LOC122539214: variants seen among roughly 807,000 people sequenced by gnomAD.
the LOC122539214 span, among the ~76,000 whole-genome samples, chr19:52,666,161 C>T: frequency 1.0e-3 from 67 of 67,300 alleles, 1 homozygote; most frequent in East Asian, 0.017. Context: ...AAGACTCCAT[C>T]TCAAAAAAAA....
At chr19:52,676,528 G>A in the LOC122539214 span, among the ~76,000 whole-genome samples, 6 of 151,152 alleles carry the variant, frequency 4.0e-5, no homozygotes, top group African/African-American at 7.3e-5. Context: ...CCGGCCAGCC[G>A]CCCCGTCTGG....
the LOC122539214 span, among the ~76,000 whole-genome samples, chr19:52,667,826 A>G: frequency 2.6e-3 from 396 of 152,364 alleles, 3 homozygotes; most frequent in Non-Finnish European, 4.0e-3. Flanking sequence ...AAATATGTCT[A>G]CAAGGTTTTA....
chr19:52,686,824 C>A, the LOC122539214 span, among the ~76,000 whole-genome samples: 1 of 152,074 alleles, frequency 6.6e-6, no homozygotes, highest in Non-Finnish European at 1.5e-5. Flanking sequence ...TCTCTCACCT[C>A]GGTCTCCCAA....
chr19:52,662,632 T>A, the LOC122539214 span, among the ~76,000 whole-genome samples: 258 of 152,306 alleles, frequency 1.7e-3, 1 homozygote, highest in African/African-American at 5.8e-3. Flanking sequence ...CCATCTCGTA[T>A]AGAAAAAGCC....
chr19:52,683,228 CTGTGTGTGTGTGTGTGTGT>C, the LOC122539214 span, among the ~76,000 whole-genome samples: 1 of 127,970 alleles, frequency 7.8e-6, no homozygotes, highest in Non-Finnish European at 1.7e-5. Flanking sequence ...CCCTGTGACT[CTGTGTGTGTGTGTGTGTGT>C]GTGTGTGTGT....
chr19:52,667,100 G>T, the LOC122539214 span, among the ~76,000 whole-genome samples: 1 of 152,010 alleles, frequency 6.6e-6, no homozygotes, highest in Non-Finnish European at 1.5e-5. Flanking sequence ...TTCAACGAAA[G>T]TCAAGTTTGC....
At chr19:52,675,974 G>A in the LOC122539214 span, among the ~76,000 whole-genome samples, 1 of 152,102 alleles carries the variant, frequency 6.6e-6, no homozygotes, top group Non-Finnish European at 1.5e-5. Flanking sequence ...GGCAGATCAT[G>A]AGGTCAGGAG....
the LOC122539214 span, among the ~76,000 whole-genome samples, chr19:52,684,743 T>C: frequency 6.6e-6 from 1 of 151,650 alleles, no homozygotes. Context: ...TTTAGGGACA[T>C]AGGGTAAGAG....
At chr19:52,681,303 C>CAAAAAAAAAAAAAAAA in the LOC122539214 span, among the ~76,000 whole-genome samples, 38 of 78,260 alleles carry the variant, frequency 4.9e-4, no homozygotes, top group Middle Eastern at 7.8e-3. Flanking sequence ...AAAAAAAAAG[C>CAAAAAAAAAAAAAAAA]AAACGAACAT....
At chr19:52,683,494 T>C in the LOC122539214 span, among the ~76,000 whole-genome samples, 1 of 53,206 alleles carries the variant, frequency 1.9e-5, no homozygotes, top group Non-Finnish European at 3.7e-5. Context: ...GTCCCTGACC[T>C]TCTCCCCACC....
At chr19:52,654,890 A>G in the LOC122539214 span, 1 of 153,006 alleles carries the variant, frequency 6.5e-6, no homozygotes, top group Non-Finnish European at 1.5e-5. Context: ...CTCCTTAAAA[A>G]CCAGAACAAA....
At chr19:52,681,924 T>C in the LOC122539214 span, among the ~76,000 whole-genome samples, 1 of 152,198 alleles carries the variant, frequency 6.6e-6, no homozygotes, top group Non-Finnish European at 1.5e-5. Context: ...CTCAGCTCAC[T>C]GCAACCTCGT....
At chr19:52,656,062 C>T in the LOC122539214 span, among the ~76,000 whole-genome samples, 1 of 151,974 alleles carries the variant, frequency 6.6e-6, no homozygotes, top group South Asian at 2.1e-4. Context: ...AACACAAAAA[C>T]ATTAACTGGG....
At chr19:52,687,633 G>GTGTATATATATA in the LOC122539214 span, among the ~76,000 whole-genome samples, 3 of 27,840 alleles carry the variant, frequency 1.1e-4, no homozygotes, top group African/African-American at 9.2e-4. Flanking sequence ...TATATATAAT[G>GTGTATATATATA]TATATATATA....
At chr19:52,656,615 C>G in the LOC122539214 span, among the ~76,000 whole-genome samples, 1 of 152,080 alleles carries the variant, frequency 6.6e-6, no homozygotes, top group Non-Finnish European at 1.5e-5. Flanking sequence ...CACCTATAAT[C>G]CGAACACTTA....
chr19:52,656,654 TCAAGAGATTAAGA>T, the LOC122539214 span, among the ~76,000 whole-genome samples: 1 of 151,910 alleles, frequency 6.6e-6, no homozygotes, highest in South Asian at 2.1e-4. Context: ...GATCACAAAG[TCAAGAGATTAAGA>T]CAAGCTGGGC....
At chr19:52,675,165 A>G in the LOC122539214 span, among the ~76,000 whole-genome samples, 4 of 152,228 alleles carry the variant, frequency 2.6e-5, no homozygotes, top group African/African-American at 9.6e-5. Context: ...ACTTGAAGCC[A>G]TCTAATAGCA....
At chr19:52,655,165 C>A in the LOC122539214 span, 1 of 188,508 alleles carries the variant, frequency 5.3e-6, no homozygotes, top group Non-Finnish European at 1.1e-5. Context: ...CCAGCCTGAG[C>A]AAGAGAGGGA....
chr19:52,657,050 A>G, the LOC122539214 span, among the ~76,000 whole-genome samples: 1 of 151,946 alleles, frequency 6.6e-6, no homozygotes, highest in Non-Finnish European at 1.5e-5. Flanking sequence ...TGGAGAGCAG[A>G]GTTTGAAGTG....
Sources: gnomAD v4.1 joint callset for allele counts (sites outside exome capture counted in the v4.1 genomes callset) on GRCh38, gnomAD v4.1.1 for gene constraint, MANE v1.5 for transcripts.